The following C19orf44 variants were observed in gnomAD, a reference collection of about 807,000 sequenced individuals.
The protein encoded by C19orf44 is uncharacterized protein C19orf44.
In C19orf44, 43 loss-of-function variants were observed where a neutral mutation model predicts 50.7. That is an observed-to-expected ratio of 0.85 (90% CI 0.66 to 1.09). The LOEUF is 1.09. C19orf44 is among the 50% of genes least tolerant of loss of function. The pLI is 0.00. For missense variants in C19orf44, 722 were observed against 836.2 expected (o/e 0.86, Z 1.68); for synonymous variants, 298 against 334.7 (o/e 0.89, Z 1.20).
At chr19:16,512,335 A>G (rs2093459861) in intron 5 of C19orf44, among the ~76,000 whole-genome samples, 1 of 152,132 alleles carries the variant, frequency 6.6e-6, no homozygotes, top group Non-Finnish European at 1.5e-5. Context: ...GGGAAAGGAG[A>G]AAGAAAAAAC....
rs2085610292 is a variant in C19orf44, at chr19:16,521,080, GTCC to G, written c.*1032_*1034del. 21 of 649,356 alleles carry G rather than the reference GTCC, an allele frequency of 3.2e-5. No individual in the cohort carries two copies. Among genetic ancestry groups the G allele is most frequent in the South Asian group, 3.2e-4 (18 of 56,740 alleles). 40.2% of individuals were successfully genotyped at this position (649,356 alleles called of 1,614,324 possible). A position where few individuals can be genotyped will look rare whatever the true frequency, so the allele number is the denominator to read the frequency against. On this transcript the variant is annotated 3_prime_UTR_variant, in exon 9 of 9. Coordinates refer to ENST00000221671, the MANE Select transcript of C19orf44 (RefSeq NM_032207.4). Reference sequence around the variant, plus strand: ...CTTGGTTCAGTGTTCCCACAGGGCTGTCCTCCTGCAGCCCAGTGGCTCCTCTGG... The same window carrying G: ...CTTGGTTCAGTGTTCCCACAGGGCTGTCCTGCAGCCCAGTGGCTCCTCTGG...
intron 3 of C19orf44, 67 bp downstream of exon 3, chr19:16,503,447 T>C: frequency 6.7e-7 from 1 of 1,496,630 alleles, no homozygotes; most frequent in Non-Finnish European, 9.1e-7. Flanking sequence ...TTAGAGTCCC[T>C]GACGCAGTGG....
rs987216796 is a variant in C19orf44 at position 16,503,200 on chromosome 19, C to G, written c.895C>G (p.Pro299Ala). 15 of 1,614,120 alleles carry G rather than the reference C, an allele frequency of 9.3e-6. No homozygotes were observed. Among genetic ancestry groups the G allele is most frequent in the African/African-American group, 1.3e-5 (1 of 75,018 alleles). The change falls in exon 3 of 9, where the codon CCA (proline) becomes GCA (alanine). Residue 299 changes from proline to alanine, a missense_variant. Transcript: ENST00000221671. Reference sequence around the variant, plus strand: ...CAGCACTCGCTCAAGAGCAGACTACCCACAGAGTCACGTTTCCAGTGACAC... The same window carrying G: ...CAGCACTCGCTCAAGAGCAGACTACGCACAGAGTCACGTTTCCAGTGACAC... ...LHSTRSRADY[P>A]QSHVSSDTAS... is the part of the protein sequence containing the mutation.
chr19:16,508,920 A>C (rs1008233565), intron 4 of C19orf44, among the ~76,000 whole-genome samples: 1 of 151,736 alleles, frequency 6.6e-6, no homozygotes, highest in African/African-American at 2.4e-5. Context: ...TCCTGGGTTC[A>C]AGTGATTCTC....
At chr19:16,499,843 G>A (rs989942257) in intron 1 of C19orf44, among the ~76,000 whole-genome samples, 1 of 151,744 alleles carries the variant, frequency 6.6e-6, no homozygotes, top group Non-Finnish European at 1.5e-5. Flanking sequence ...AGGCTGGAGT[G>A]CAGTGGTGTG....
intron 4 of C19orf44, among the ~76,000 whole-genome samples, chr19:16,507,286 T>C (rs1277659039): frequency 6.6e-6 from 1 of 152,040 alleles, no homozygotes; most frequent in Non-Finnish European, 1.5e-5. Context: ...TTAAAGCACA[T>C]CCCACGTAAA....
In C19orf44 at chr19:16,501,226, A is replaced by C; in HGVS notation, c.434A>C (p.Gln145Pro). ...LSGGALELAS[Q>P]NTDKTSQNQA... ...GGGGGTGCACTCGAACTCGCGTCCCAGAACACAGACAAAACTTCCCAGAAT... is the reference window on the plus strand; with the variant it reads ...GGGGGTGCACTCGAACTCGCGTCCCCGAACACAGACAAAACTTCCCAGAAT... The change falls in exon 2 of 9, where the codon CAG becomes CCG. Residue 145 changes from glutamine (Q) to proline (P), a missense_variant. By Grantham distance (76) the Gln-to-Pro change is moderately conservative. Transcript: ENST00000221671. The C allele has an allele frequency of 1.2e-6, 2 of 1,614,210 alleles. No individual in the cohort carries two copies. Among genetic ancestry groups the C allele is most frequent in the South Asian group, 1.1e-5 (1 of 91,090 alleles).
At position 16,501,221 on chromosome 19, in the gene C19orf44, G is replaced by A. The variant is rs141306136; in HGVS notation, c.429G>A (p.Ala143=). Residue 143 remains alanine (A), a synonymous_variant, in exon 2 of 9, where the codon GCG becomes GCA. Coordinates refer to ENST00000221671, the MANE Select transcript of C19orf44 (RefSeq NM_032207.4). ...RILSGGALEL[A]SQNTDKTSQN... Reference sequence around the variant, plus strand: ...TCTCTGGGGGTGCACTCGAACTCGCGTCCCAGAACACAGACAAAACTTCCC... The same window carrying A: ...TCTCTGGGGGTGCACTCGAACTCGCATCCCAGAACACAGACAAAACTTCCC... 6.9e-4 allele frequency: 1,109 copies of A among 1,614,098 alleles called. 3 individuals are homozygous for A. The African/African-American group carries it at 0.013, about 18-fold the overall frequency.
rs2085582169 is a variant in C19orf44, at chr19:16,519,191, C to A, written c.*41-903C>A. 3 of 1,613,754 alleles carry A rather than the reference C, an allele frequency of 1.9e-6. No individual in the cohort carries two copies. The highest frequency in any genetic ancestry group is 1.1e-5 in the South Asian group (1 of 91,090). Reference sequence around the variant, plus strand: ...CACTCGTCCCTGGCCTTCATGCGGGCGATGAAGGAGTAGCTCTTGTTCCTG... The same window carrying A: ...CACTCGTCCCTGGCCTTCATGCGGGAGATGAAGGAGTAGCTCTTGTTCCTG... On this transcript the variant is annotated intron_variant, in intron 8 of 8. Coordinates refer to ENST00000221671, the MANE Select transcript of C19orf44 (RefSeq NM_032207.4). This position sits in a 1 kb window ranked among gnomAD's most constrained non-coding sequence, Gnocchi z 6.0.
chr19:16,502,528 C>T (rs144910132), intron 2 of C19orf44, among the ~76,000 whole-genome samples: 1,974 of 152,202 alleles, frequency 0.013, 40 homozygotes, highest in African/African-American at 0.045. Context: ...TGAGCCACCA[C>T]GCCCAGCCTT....
chr19:16,506,599 A>AAAAAG (rs1288373476), intron 3 of C19orf44, 102 bp from the exon 4 acceptor site: 4 of 854,516 alleles, frequency 4.7e-6, no homozygotes, highest in Admixed American at 6.6e-5. Flanking sequence ...TCTCAAAAAA[A>AAAAAG]AAAAGAAAAG....
At chr19:16,504,611 T>TTTTG (rs551265333) in intron 3 of C19orf44, among the ~76,000 whole-genome samples, 1 of 151,792 alleles carries the variant, frequency 6.6e-6, no homozygotes, top group Non-Finnish European at 1.5e-5. Context: ...CTGTTTTTTT[T>TTTTG]TTTGTTTGTT....
chr19:16,519,712 G>A lies in C19orf44; in HGVS notation c.*41-382G>A. The A allele has an allele frequency of 1.2e-6, 2 of 1,612,946 alleles. No homozygotes were observed. The highest frequency in any genetic ancestry group is 1.3e-5 in the African/African-American group (1 of 75,028). The stretch of plus-strand genomic sequence containing the variant: ...CCGAATTAGAACCCAGACCAGCAGA[G>A]GAACTAAAATCGAGACAGGTTATTC... On this transcript the variant is annotated intron_variant, in intron 8 of 8. Transcript: ENST00000221671. The surrounding 1 kb of genome is among the most constrained non-coding windows in gnomAD (Gnocchi z 6.0).
intron 5 of C19orf44, among the ~76,000 whole-genome samples, chr19:16,512,473 G>A (rs1276338661): frequency 6.6e-6 from 1 of 152,060 alleles, no homozygotes; most frequent in Non-Finnish European, 1.5e-5. Context: ...ACCGTGAGCC[G>A]GAGCCACCGC....
At position 16,519,049 on chromosome 19, in the gene C19orf44, T is replaced by C; in HGVS notation, c.*41-1045T>C. On this transcript the variant is annotated intron_variant, in intron 8 of 8. Transcript: ENST00000221671. This position sits in a 1 kb window ranked among gnomAD's most constrained non-coding sequence, Gnocchi z 6.0. The stretch of plus-strand genomic sequence containing the variant: ...TTCTCTTCCTGTGGCTCTCCACAAG[T>C]GGAGACGGTGTAAGAACTGAGCTGT... 1.0e-6 allele frequency: 1 copy of C among 987,710 alleles called. No individual in the cohort carries two copies. Among genetic ancestry groups the C allele is most frequent in the South Asian group, 1.5e-5 (1 of 65,662 alleles). The allele number at this position is 987,710 out of a possible 1,614,324, so 61.2% of individuals were successfully genotyped here.
intron 6 of C19orf44, 41 bp downstream of exon 6, chr19:16,513,150 C>A: frequency 1.3e-6 from 2 of 1,593,492 alleles, no homozygotes; most frequent in Non-Finnish European, 1.7e-6. Context: ...TCACATTTTA[C>A]AGGACTCATT....
At chr19:16,498,250 T>C (rs2093415449) in intron 1 of C19orf44, among the ~76,000 whole-genome samples, 2 of 152,140 alleles carry the variant, frequency 1.3e-5, no homozygotes, top group African/African-American at 4.8e-5. Context: ...ACTACATAAT[T>C]TTACAATTCC....
intron 5 of C19orf44, among the ~76,000 whole-genome samples, chr19:16,510,828 C>G (rs888992635): frequency 2.0e-5 from 3 of 152,072 alleles, no homozygotes; most frequent in African/African-American, 7.2e-5. Flanking sequence ...CTCAACCTCC[C>G]TAGGCTCAGG....
In C19orf44 at chr19:16,519,400, G is replaced by A. The variant is rs755640215; in HGVS notation, c.*41-694G>A. The A allele has an allele frequency of 6.2e-5, 97 of 1,572,370 alleles. No individual in the cohort carries two copies. In the Admixed American group the frequency reaches 1.6e-3, roughly 26 times the overall value. ...AACCACAACAAGGCGGAGGCAGATG[G>A]GGGTGCACGTGGGGGGCTGAATGTC... On this transcript the variant is annotated intron_variant, in intron 8 of 8. Coordinates refer to ENST00000221671, the MANE Select transcript of C19orf44 (RefSeq NM_032207.4). This position sits in a 1 kb window ranked among gnomAD's most constrained non-coding sequence, Gnocchi z 6.0.
Sources: gnomAD v4.1 joint callset for allele counts (sites outside exome capture counted in the v4.1 genomes callset) on GRCh38, gnomAD v4.1.1 for gene constraint, Gnocchi (gnomAD v3.1) non-coding constraint, MANE v1.5 for transcripts, NCBI Gene and HGNC (gene_info 2026-07-23, HGNC 2026-07-21) for gene names.